The following DOK6 variants were observed in gnomAD, a reference collection of about 807,000 sequenced individuals.
The protein encoded by DOK6 is docking protein 6.
In DOK6, 22 loss-of-function variants were observed where a neutral mutation model predicts 44.0. That is an observed-to-expected ratio of 0.50 (90% CI 0.36 to 0.71). The LOEUF (loss-of-function observed/expected upper bound fraction) is 0.71, where lower values mean the gene tolerates loss of function less well. Ranked by LOEUF, DOK6 falls within the 30% of genes least tolerant of loss-of-function variation. The probability of loss-of-function intolerance (pLI) is 0.00; values close to 1 mark genes in which losing one functional copy is unlikely to be tolerated. For missense variants in DOK6, 340 were observed against 416.4 expected (o/e 0.82, Z 1.60); for synonymous variants, 166 against 145.5 (o/e 1.14, Z -1.01).
intron 1 of DOK6, among the ~76,000 whole-genome samples, chr18:69,522,215 C>G (rs1016823221): frequency 6.6e-6 from 1 of 151,840 alleles, no homozygotes; most frequent in African/African-American, 2.4e-5. Context: ...AAACCACACA[C>G]ACACACACCC....
chr18:69,716,274 C>A (rs1050730115), intron 5 of DOK6, among the ~76,000 whole-genome samples: 1 of 152,154 alleles, frequency 6.6e-6, no homozygotes, highest in African/African-American at 2.4e-5. Flanking sequence ...CTCATTTAAT[C>A]CATGTTATTC....
At chr18:69,587,557 C>T (rs1983532023) in intron 2 of DOK6, among the ~76,000 whole-genome samples, 1 of 152,114 alleles carries the variant, frequency 6.6e-6, no homozygotes, top group African/African-American at 2.4e-5. Flanking sequence ...TTGGACATAC[C>T]TTCCCAGGAC....
intron 1 of DOK6, among the ~76,000 whole-genome samples, chr18:69,553,542 A>C (rs1199523502): frequency 3.3e-5 from 5 of 152,152 alleles, no homozygotes; most frequent in African/African-American, 1.2e-4. Context: ...ATCTTTGCCA[A>C]ATTACTTGAC....
At chr18:69,748,359 G>A (rs1205062525) in intron 6 of DOK6, among the ~76,000 whole-genome samples, 1 of 151,384 alleles carries the variant, frequency 6.6e-6, no homozygotes, top group Non-Finnish European at 1.5e-5. Flanking sequence ...AGATATTCAC[G>A]ACTTGAACTC....
rs139586290 is a variant in DOK6 at position 69,434,561 on chromosome 18, C to T, written c.66+33251C>T. Among the ~76,000 whole-genome samples, 13 of 148,600 alleles carry T rather than the reference C, an allele frequency of 8.7e-5. 1 individual carries two copies. In the East Asian group the frequency reaches 2.1e-3, roughly 24 times the overall value. On this transcript the variant is annotated intron_variant, in intron 1 of 7. Coordinates refer to ENST00000382713, the MANE Select transcript of DOK6 (RefSeq NM_152721.6). ...ATCCCAGCACTTTGAAAGGCAGAGG[C>T]GGGCGGATCACGAGGTTAGAGCATC...
chr18:69,562,045 G>T (rs10513966), intron 1 of DOK6, among the ~76,000 whole-genome samples: 29,556 of 152,098 alleles, frequency 0.19, 3,360 homozygotes, highest in East Asian at 0.53. Context: ...CACCAGCAAA[G>T]AATACACTAG....
At chr18:69,805,471 C>T (rs2046096380) in intron 7 of DOK6, among the ~76,000 whole-genome samples, 1 of 152,020 alleles carries the variant, frequency 6.6e-6, no homozygotes, top group Admixed American at 6.6e-5. Context: ...TTTTAAAATA[C>T]ATATTTCTGT....
chr18:69,696,439 A>G (rs1189487993), intron 4 of DOK6, among the ~76,000 whole-genome samples: 4 of 152,234 alleles, frequency 2.6e-5, no homozygotes, highest in African/African-American at 7.2e-5. Context: ...GTTTACTTCA[A>G]TATTTTGGAA....
intron 1 of DOK6, among the ~76,000 whole-genome samples, chr18:69,460,541 TTAA>T (rs1364784716): frequency 1.3e-5 from 2 of 152,176 alleles, no homozygotes; most frequent in East Asian, 1.9e-4. Flanking sequence ...CATGAATATA[TTAA>T]TGTTTCCGTA....
intron 2 of DOK6, 122 bp from the exon 3 acceptor site, chr18:69,599,262 G>C (rs1983816972): frequency 1.4e-6 from 1 of 717,192 alleles, no homozygotes; most frequent in Non-Finnish European, 2.2e-6. Context: ...AGTCAATTCA[G>C]AATGAGTACA....
chr18:69,752,312 C>T (rs1299267382), intron 6 of DOK6, among the ~76,000 whole-genome samples: 1 of 151,984 alleles, frequency 6.6e-6, no homozygotes, highest in Non-Finnish European at 1.5e-5. Flanking sequence ...CACCAAATAA[C>T]CTTAGGAGAA....
intron 1 of DOK6, among the ~76,000 whole-genome samples, chr18:69,564,110 A>T (rs1315466302): frequency 2.5e-4 from 4 of 15,858 alleles, no homozygotes; most frequent in South Asian, 0.071. Context: ...TTTTTCAAAG[A>T]TAGATAATTA....
rs148701397 is a variant in DOK6 at position 69,604,534 on chromosome 18, A to G, written c.289+5036A>G. On this transcript the variant is annotated intron_variant, in intron 3 of 7. Transcript: ENST00000382713. Reference sequence around the variant, plus strand: ...AACTACTTTAAATATGACCTACTTGAAAGTATTATTTCTTTTTTAAAACTA... The same window carrying G: ...AACTACTTTAAATATGACCTACTTGGAAGTATTATTTCTTTTTTAAAACTA... 1.9e-3 allele frequency among the ~76,000 whole-genome samples: 290 copies of G among 152,352 alleles called. 1 individual carries two copies. Among genetic ancestry groups the G allele is most frequent in the Non-Finnish European group, 3.2e-3 (218 of 68,032 alleles).
chr18:69,503,217 G>A (rs1383292038), intron 1 of DOK6, among the ~76,000 whole-genome samples: 1 of 152,052 alleles, frequency 6.6e-6, no homozygotes, highest in African/African-American at 2.4e-5. Context: ...ATATAGTTAT[G>A]GGAATAATAT....
intron 1 of DOK6, among the ~76,000 whole-genome samples, chr18:69,459,412 G>C (rs1450914943): frequency 6.6e-6 from 1 of 151,954 alleles, no homozygotes. Flanking sequence ...TCATGTTATG[G>C]AGTTGATAAC....
At chr18:69,590,590 G>A (rs576458813) in intron 2 of DOK6, among the ~76,000 whole-genome samples, 3 of 152,230 alleles carry the variant, frequency 2.0e-5, no homozygotes, top group Admixed American at 6.5e-5. Context: ...ACTAAATCAT[G>A]GAAAGCCTTC....
chr18:69,563,720 G>A (rs555706653), intron 1 of DOK6, among the ~76,000 whole-genome samples: 7 of 151,692 alleles, frequency 4.6e-5, no homozygotes, highest in Admixed American at 3.9e-4. Flanking sequence ...GTTAATGGGT[G>A]CAGCACACCA....
chr18:69,729,012 G>A (rs1468040725), intron 5 of DOK6, among the ~76,000 whole-genome samples: 3 of 152,096 alleles, frequency 2.0e-5, no homozygotes, highest in African/African-American at 7.2e-5. Context: ...ATTTCCATGG[G>A]GTCAGCAGAG....
At chr18:69,528,443 T>C (rs1165978430) in intron 1 of DOK6, among the ~76,000 whole-genome samples, 1 of 152,208 alleles carries the variant, frequency 6.6e-6, no homozygotes, top group African/African-American at 2.4e-5. Context: ...AATGCGTATT[T>C]CACTTTAGAA....
Sources: gnomAD v4.1 joint callset for allele counts (sites outside exome capture counted in the v4.1 genomes callset) on GRCh38, gnomAD v4.1.1 for gene constraint, MANE v1.5 for transcripts, NCBI Gene and HGNC (gene_info 2026-07-23, HGNC 2026-07-21) for gene names.